The following RELN variants were observed in gnomAD, a reference collection of about 807,000 sequenced individuals.
RELN encodes the protein reelin.
In RELN, 108 loss-of-function variants were observed where a neutral mutation model predicts 427.6. The observed-to-expected ratio is 0.25, with a 90% CI of 0.22 to 0.30. The LOEUF (loss-of-function observed/expected upper bound fraction) is 0.30. Ranked by LOEUF, RELN falls within the 10% of genes least tolerant of loss-of-function variation. The pLI is 1.00. For missense variants in RELN, 3,715 were observed against 4,302.8 expected (o/e 0.86, Z 3.82); for synonymous variants, 1,524 against 1,513.4 (o/e 1.01, Z -0.16).
intron 2 of RELN, among the ~76,000 whole-genome samples, chr7:103,910,322 TG>T (rs2116651118): frequency 6.8e-6 from 1 of 146,892 alleles, no homozygotes; most frequent in East Asian, 2.0e-4. Context: ...GCTGAGACAA[TG>T]GGGTTTTCTA....
At chr7:103,606,490 T>TAAA (rs1318416513) in intron 22 of RELN, among the ~76,000 whole-genome samples, 1 of 152,160 alleles carries the variant, frequency 6.6e-6, no homozygotes, top group African/African-American at 2.4e-5. Flanking sequence ...ACCTCTCAAA[T>TAAA]AAAAGGTTTA....
At chr7:103,954,436 G>A (rs1028192708) in intron 1 of RELN, among the ~76,000 whole-genome samples, 2 of 136,164 alleles carry the variant, frequency 1.5e-5, no homozygotes, top group Non-Finnish European at 1.7e-5. Context: ...GAGGATGTAT[G>A]TGTAAGCATG....
intron 2 of RELN, among the ~76,000 whole-genome samples, chr7:103,869,837 T>G (rs758083743): frequency 6.6e-6 from 1 of 152,164 alleles, no homozygotes; most frequent in Non-Finnish European, 1.5e-5. Context: ...AATATCTGTA[T>G]ATCCAACTTT....
At chr7:103,606,136 A>G (rs974810642) in intron 22 of RELN, among the ~76,000 whole-genome samples, 5 of 152,212 alleles carry the variant, frequency 3.3e-5, no homozygotes, top group African/African-American at 1.2e-4. Flanking sequence ...TCATCCTGAA[A>G]AGGAAAGCTG....
chr7:103,620,068 G>A lies in RELN; in HGVS notation c.2703-8265C>T, dbSNP rs184046727. On this transcript the variant is annotated intron_variant, in intron 20 of 64. Transcript: ENST00000428762. The surrounding 1 kb of genome is among the most constrained non-coding windows in gnomAD (Gnocchi z 4.1). ...GCATTGTGGTGCCCATAATTCCTAC[G>A]TGTTGTGGGAGGGATCCAGTGGGAG... Among the ~76,000 whole-genome samples the A allele has an allele frequency of 2.6e-5, 4 of 152,142 alleles. No individual in the cohort carries two copies. The highest frequency in any genetic ancestry group is 4.8e-5 in the African/African-American group (2 of 41,424).
intron 2 of RELN, among the ~76,000 whole-genome samples, chr7:103,900,040 T>C (rs1408088019): frequency 1.3e-5 from 2 of 152,194 alleles, no homozygotes; most frequent in African/African-American, 4.8e-5. Context: ...ATTGTATATT[T>C]AGAAAACCCC....
At chr7:103,914,384 C>A (rs1227078741) in intron 2 of RELN, among the ~76,000 whole-genome samples, 1 of 152,002 alleles carries the variant, frequency 6.6e-6, no homozygotes, top group South Asian at 2.1e-4. Flanking sequence ...ATGATAGTTC[C>A]TTAATTCAGC....
At chr7:103,511,374 A>G (rs543057592) in intron 50 of RELN, among the ~76,000 whole-genome samples, 6 of 152,340 alleles carry the variant, frequency 3.9e-5, no homozygotes, top group African/African-American at 1.4e-4. Flanking sequence ...AATTTTATTT[A>G]CAGTGTCTCG....
intron 11 of RELN, among the ~76,000 whole-genome samples, chr7:103,677,204 T>C (rs752059873): frequency 2.7e-5 from 4 of 148,966 alleles, no homozygotes; most frequent in African/African-American, 7.4e-5. Flanking sequence ...TAAGTGGGAG[T>C]TGAACAATAA....
intron 28 of RELN, among the ~76,000 whole-genome samples, chr7:103,586,090 C>T (rs1294518841): frequency 2.0e-5 from 3 of 152,098 alleles, no homozygotes; most frequent in East Asian, 1.9e-4. Flanking sequence ...CCAGGCCGGG[C>T]GTGATGGCTC....
At chr7:103,486,443 A>G (rs1327099006) in intron 60 of RELN, 27 bp from the exon 61 acceptor site, 1 of 1,552,998 alleles carries the variant, frequency 6.4e-7, no homozygotes, top group Admixed American at 1.7e-5. Context: ...AGTCACAGAA[A>G]TTAAGTGGAC....
At chr7:103,668,841 A>C (rs1481612715) in intron 11 of RELN, among the ~76,000 whole-genome samples, 1 of 152,200 alleles carries the variant, frequency 6.6e-6, no homozygotes, top group Non-Finnish European at 1.5e-5. Context: ...TCCACAAAGC[A>C]AGTTAAGGTT....
At position 103,989,198 on chromosome 7, in the gene RELN, G is replaced by C; in HGVS notation, c.159C>G (p.Gly53=). The C allele has an allele frequency of 6.2e-7, 1 of 1,614,120 alleles. No homozygotes were observed. Among genetic ancestry groups the C allele is most frequent in the South Asian group, 1.1e-5 (1 of 91,090 alleles). Residue 53 remains glycine, a synonymous_variant, in exon 1 of 65, where the codon GGC becomes GGG. Coordinates refer to ENST00000428762, the MANE Select transcript of RELN (RefSeq NM_005045.4). The surrounding 1 kb of genome is among the most constrained non-coding windows in gnomAD (Gnocchi z 4.9). ...HGELEGDGEQ[G]EVLISLHIAG... ...CAATATGCAGGGAAATGAGCACCTC[G>C]CCCTGCTCCCCATCCCCTTCCAGCT...
chr7:103,936,277 G>C (rs765185958), intron 1 of RELN, among the ~76,000 whole-genome samples: 1 of 152,044 alleles, frequency 6.6e-6, no homozygotes, highest in Non-Finnish European at 1.5e-5. Context: ...ATTTTTAGTA[G>C]AGATGGCGTT....
In RELN at chr7:103,498,358, G is replaced by T. The variant is rs185855161; in HGVS notation, c.8668-106C>A. 2.7e-5 allele frequency: 27 copies of T among 982,806 alleles called. No individual in the cohort carries two copies. The East Asian group carries it at 6.7e-4, about 24-fold the overall frequency. The allele number at this position is 982,806 out of a possible 1,614,324, so 60.9% of individuals were successfully genotyped here. On this transcript the variant is annotated intron_variant, in intron 53 of 64. Coordinates refer to ENST00000428762, the MANE Select transcript of RELN (RefSeq NM_005045.4). Reference sequence around the variant, plus strand: ...TCTTGGACTTAAAAAAAATAGAGCTGATTTCAAATGCTTTTCAAAGATGTT... The same window carrying T: ...TCTTGGACTTAAAAAAAATAGAGCTTATTTCAAATGCTTTTCAAAGATGTT...
At chr7:103,817,019 T>G (rs1792890254) in intron 3 of RELN, among the ~76,000 whole-genome samples, 1 of 151,898 alleles carries the variant, frequency 6.6e-6, no homozygotes, top group Non-Finnish European at 1.5e-5. Context: ...GCCTCGCTGA[T>G]TTTTGTGTTT....
chr7:103,695,078 A>G (rs1242187685), intron 10 of RELN, among the ~76,000 whole-genome samples: 3 of 152,178 alleles, frequency 2.0e-5, no homozygotes, highest in African/African-American at 7.2e-5. Flanking sequence ...ACACTGAGAT[A>G]TGCTTTCTAA....
intron 30 of RELN, among the ~76,000 whole-genome samples, chr7:103,572,992 G>T (rs1028573899): frequency 2.0e-5 from 3 of 152,174 alleles, no homozygotes; most frequent in African/African-American, 7.2e-5. Context: ...AGGCTGGAGT[G>T]CAGTGGCGCG....
At chr7:103,676,266 G>A (rs1039747195) in intron 11 of RELN, among the ~76,000 whole-genome samples, 2 of 152,202 alleles carry the variant, frequency 1.3e-5, no homozygotes, top group Non-Finnish European at 2.9e-5. Context: ...AGATGTTTAT[G>A]CAGCCAACAG....
Sources: allele counts gnomAD v4.1 joint callset (sites outside exome capture counted in the v4.1 genomes callset), GRCh38; gene constraint gnomAD v4.1.1; non-coding constraint Gnocchi (gnomAD v3.1); transcripts MANE v1.5; gene names NCBI Gene and HGNC (gene_info 2026-07-23, HGNC 2026-07-21).